AK9: variants seen among roughly 807,000 people sequenced by gnomAD.
The protein encoded by AK9 is adenylate kinase 9.
A neutral mutation model predicts 239.6 loss-of-function variants in AK9; 191 were observed. That is an observed-to-expected ratio of 0.80 (90% CI 0.71 to 0.90). The LOEUF (loss-of-function observed/expected upper bound fraction) is 0.90, where lower values mean the gene tolerates loss of function less well. Ranked by LOEUF, AK9 falls within the 40% of genes least tolerant of loss-of-function variation. The probability of loss-of-function intolerance (pLI) is 0.00; values close to 1 mark genes in which losing one functional copy is unlikely to be tolerated. For missense variants in AK9, 1,995 were observed against 2,214.7 expected (o/e 0.90, Z 1.99); for synonymous variants, 689 against 721.0 (o/e 0.96, Z 0.71).
chr6:109,516,680 A>T (rs1779307858), intron 29 of AK9, 38 bp from the exon 30 acceptor site: 2 of 1,454,838 alleles, frequency 1.4e-6, no homozygotes, highest in Admixed American at 2.0e-5. Context: ...ATACATATAA[A>T]ATATGTAACA....
chr6:109,654,515 G>C (rs970830535), intron 8 of AK9, among the ~76,000 whole-genome samples: 1 of 151,968 alleles, frequency 6.6e-6, no homozygotes, highest in Non-Finnish European at 1.5e-5. Context: ...GATTTTAGTA[G>C]AGATGGGGTT....
chr6:109,663,447 G>GGAAT (rs1423792315), intron 5 of AK9, among the ~76,000 whole-genome samples: 15 of 152,240 alleles, frequency 9.9e-5, no homozygotes, highest in Admixed American at 3.3e-4. Context: ...AAAAGTGAAT[G>GGAAT]GAATGACCCT....
intron 15 of AK9, among the ~76,000 whole-genome samples, chr6:109,613,646 G>A (rs972564267): frequency 1.3e-5 from 2 of 151,042 alleles, no homozygotes; most frequent in Non-Finnish European, 3.0e-5. Context: ...ATAATTAAAT[G>A]GTACATTATA....
chr6:109,609,005 G>C (rs1341561539), intron 17 of AK9, among the ~76,000 whole-genome samples: 1 of 152,168 alleles, frequency 6.6e-6, no homozygotes, highest in Non-Finnish European at 1.5e-5. Flanking sequence ...AGGTAAAACT[G>C]TCTCCTGCAC....
intron 11 of AK9, 31 bp downstream of exon 11, chr6:109,633,153 T>C (rs1796314522): frequency 4.5e-6 from 7 of 1,570,782 alleles, no homozygotes; most frequent in Non-Finnish European, 6.0e-6. Context: ...ATGAGGAAGA[T>C]TTAAAATTAA....
chr6:109,590,644 T>G (rs6568583), intron 17 of AK9, among the ~76,000 whole-genome samples: 108,274 of 151,994 alleles, frequency 0.71, 39,058 homozygotes, highest in East Asian at 0.99. Context: ...CTATCTTTTT[T>G]ATGTAGGCTG....
At position 109,514,249 on chromosome 6, in the gene AK9, C is replaced by T. The variant is rs189356436; in HGVS notation, c.4254G>A (p.Gly1418=). ...CTGTAGTTTTCCCAGATTTTGGAGGCCCCACAATTATAATCCTAATGGGCA... is the reference window on the plus strand; with the variant it reads ...CTGTAGTTTTCCCAGATTTTGGAGGTCCCACAATTATAATCCTAATGGGCA... ...PTVPIRIIIV[G]PPKSGKTTVA... is the part of the protein sequence containing the mutation. Residue 1418 remains glycine, a synonymous_variant, in exon 32 of 41, where the codon GGG becomes GGA. Transcript: ENST00000424296. 2.7e-4 allele frequency: 416 copies of T among 1,551,398 alleles called. No homozygotes were observed. Among genetic ancestry groups the T allele is most frequent in the Non-Finnish European group, 2.5e-4 (290 of 1,146,882 alleles).
chr6:109,531,296 C>A (rs536076569), intron 28 of AK9, among the ~76,000 whole-genome samples: 2 of 152,010 alleles, frequency 1.3e-5, no homozygotes, highest in African/African-American at 2.4e-5. Flanking sequence ...ACAATTAGGT[C>A]ACTGTAGGAG....
intron 17 of AK9, among the ~76,000 whole-genome samples, chr6:109,595,983 C>T (rs1790976729): frequency 6.6e-6 from 1 of 151,418 alleles, no homozygotes; most frequent in African/African-American, 2.4e-5. Flanking sequence ...ACATATATCC[C>T]AGAACTTAAA....
At chr6:109,653,829 T>A (rs9986344) in intron 8 of AK9, among the ~76,000 whole-genome samples, 1 of 152,302 alleles carries the variant, frequency 6.6e-6, no homozygotes, top group Non-Finnish European at 1.5e-5. Context: ...CCAGCACACC[T>A]GGCCTAAATT....
At chr6:109,493,687 A>C in intron 40 of AK9, 116 bp from the exon 41 acceptor site, 1 of 924,302 alleles carries the variant, frequency 1.1e-6, no homozygotes, top group Non-Finnish European at 1.6e-6. Context: ...GAAGATATCC[A>C]AATCCCAAAT....
intron 26 of AK9, among the ~76,000 whole-genome samples, chr6:109,544,693 C>T (rs981664750): frequency 5.9e-5 from 9 of 152,172 alleles, no homozygotes; most frequent in Non-Finnish European, 1.5e-5. Context: ...GCCAGTTAAA[C>T]CTATTTTCTT....
chr6:109,504,133 C>T (rs1421745157), intron 35 of AK9, among the ~76,000 whole-genome samples: 1 of 152,150 alleles, frequency 6.6e-6, no homozygotes, highest in Non-Finnish European at 1.5e-5. Flanking sequence ...GTGAGAGGAT[C>T]GCTTGTAGCC....
chr6:109,575,597 T>G (rs1787967658), intron 20 of AK9, among the ~76,000 whole-genome samples: 1 of 152,156 alleles, frequency 6.6e-6, no homozygotes, highest in Admixed American at 6.5e-5. Flanking sequence ...AGATGCGTAG[T>G]TTGTGAAGAT....
chr6:109,550,144 T>C lies in AK9; in HGVS notation c.2910A>G (p.Lys970=). ...KIYYFSSAEA[K]EKFLEHPEDY... ...CCTCAGGATGCTCCAAAAACTTTTC[T>C]TTAGCCTCAGCACTTGAAAAGTAGT... is the stretch of plus-strand genomic sequence containing the variant. The change falls in exon 25 of 41, where the codon AAA becomes AAG. Residue 970 remains lysine (K), a synonymous_variant. Transcript: ENST00000424296. 6.2e-7 allele frequency: 1 copy of C among 1,614,008 alleles called. No individual in the cohort carries two copies. Among genetic ancestry groups the C allele is most frequent in the South Asian group, 1.1e-5 (1 of 91,078 alleles).
At chr6:109,627,653 A>C (rs1795700983) in intron 12 of AK9, among the ~76,000 whole-genome samples, 2 of 113,844 alleles carry the variant, frequency 1.8e-5, no homozygotes, top group Admixed American at 1.0e-4. Flanking sequence ...ACCACACTGA[A>C]CTTCTGTTTT....
chr6:109,543,289 G>C (rs1459137589), intron 26 of AK9, among the ~76,000 whole-genome samples: 4 of 151,964 alleles, frequency 2.6e-5, no homozygotes, highest in African/African-American at 9.7e-5. Flanking sequence ...CCGGGAAGCA[G>C]GATTAATTTT....
intron 28 of AK9, among the ~76,000 whole-genome samples, chr6:109,530,537 GACCACTGTATT>G (rs530864578): frequency 1.6e-3 from 238 of 152,148 alleles, no homozygotes; most frequent in African/African-American, 5.4e-3. Flanking sequence ...AAAACATAAA[GACCACTGTATT>G]ACCAAAAAAT....
At chr6:109,668,158 TGAGC>T (rs1274431644) in intron 5 of AK9, among the ~76,000 whole-genome samples, 1 of 152,242 alleles carries the variant, frequency 6.6e-6, no homozygotes, top group Non-Finnish European at 1.5e-5. Context: ...CCAGTGATGA[TGAGC>T]ATTTTTTCAT....
Sources: gnomAD v4.1 joint callset for allele counts (sites outside exome capture counted in the v4.1 genomes callset) on GRCh38, gnomAD v4.1.1 for gene constraint, MANE v1.5 for transcripts, NCBI Gene and HGNC (gene_info 2026-07-23, HGNC 2026-07-21) for gene names.